GRAP2: variants seen among roughly 807,000 people sequenced by gnomAD.
GRAP2 encodes the protein GRB2 related adaptor protein 2, also known as GRB2-related adapter protein 2.
Under a neutral mutation model 43.5 loss-of-function variants are expected in GRAP2, and 31 were observed. The ratio of observed to expected loss-of-function variants is 0.71; its 90% confidence interval spans 0.54 to 0.96. GRAP2 has a LOEUF of 0.96. Among genes scored for constraint, GRAP2 ranks in the 40% least tolerant of loss-of-function variants. The pLI, the probability that GRAP2 is intolerant of heterozygous loss-of-function variation, is 0.00. For synonymous variants in GRAP2, 156 were observed against 164.8 expected, an observed-to-expected ratio of 0.95 and a Z score of 0.41; for missense variants, 371 against 424.4, an observed-to-expected ratio of 0.87 and a Z score of 1.11.
At chr22:39,960,210 C>T (rs779548778) in intron 4 of GRAP2, 36 bp downstream of exon 4, 21 of 1,601,456 alleles carry the variant, frequency 1.3e-5, no homozygotes, top group South Asian at 6.6e-5. Flanking sequence ...TGGCCCTTCT[C>T]GGCCTGTTAA....
intron 1 of GRAP2, among the ~76,000 whole-genome samples, chr22:39,912,426 A>G (rs1183112227): frequency 1.3e-5 from 2 of 152,166 alleles, no homozygotes; most frequent in African/African-American, 2.4e-5. Flanking sequence ...TGTCTCTGGA[A>G]AAAAAGTACT....
chr22:39,928,380 A>T (rs1883416205), intron 1 of GRAP2, among the ~76,000 whole-genome samples: 1 of 152,188 alleles, frequency 6.6e-6, no homozygotes, highest in Non-Finnish European at 1.5e-5. Flanking sequence ...ATGGATAGCC[A>T]CTATTCCCTT....
chr22:39,949,363 G>A (rs757380641), intron 2 of GRAP2, among the ~76,000 whole-genome samples: 76 of 152,162 alleles, frequency 5.0e-4, no homozygotes, highest in Non-Finnish European at 1.1e-3. Context: ...CAGCAAACCT[G>A]TGAGGTAGGC....
chr22:39,903,142 T>C (rs2066503238), intron 1 of GRAP2, among the ~76,000 whole-genome samples: 1 of 152,208 alleles, frequency 6.6e-6, no homozygotes, highest in South Asian at 2.1e-4. Flanking sequence ...CGAAAATGTG[T>C]CAGTAAGTGT....
rs1310432384 is a variant in GRAP2 at position 39,964,043 on chromosome 22, G to C, written c.291-1947G>C. 1.4e-5 allele frequency: 3 copies of C among 212,768 alleles called. No individual in the cohort carries two copies. The Admixed American group carries it at 1.6e-4, about 11-fold the overall frequency. The allele number at this position is 212,768 out of a possible 1,614,324, so 13.2% of individuals were successfully genotyped here. A position where few individuals can be genotyped will look rare whatever the true frequency, so the allele number is the denominator to read the frequency against. On this transcript the variant is annotated intron_variant, in intron 4 of 7. Transcript: ENST00000344138. Reference sequence around the variant, plus strand: ...AAAGAAACCTCCACTTACTCTCAGAGGTATCTTTACTCTCCGAGACCCTTT... The same window carrying C: ...AAAGAAACCTCCACTTACTCTCAGACGTATCTTTACTCTCCGAGACCCTTT...
rs2067242224 is a variant in GRAP2, at chr22:39,971,457, T to C, written c.*373T>C. On this transcript the variant is annotated 3_prime_UTR_variant, in exon 8 of 8. Transcript: ENST00000344138. The stretch of plus-strand genomic sequence containing the variant: ...CTAAGCAGAGACCACACCTCGGCAC[T>C]GGACACAGAACAACAGGGTGGGGTT... 1 of 215,150 alleles carries C rather than the reference T, an allele frequency of 4.6e-6. No individual in the cohort carries two copies. The highest frequency in any genetic ancestry group is 9.1e-6 in the Non-Finnish European group (1 of 110,148). 13.3% of individuals were successfully genotyped at this position (215,150 alleles called of 1,614,324 possible).
At chr22:39,923,989 G>A (rs564026515) in intron 1 of GRAP2, among the ~76,000 whole-genome samples, 48 of 152,266 alleles carry the variant, frequency 3.2e-4, no homozygotes, top group Admixed American at 1.0e-3. Flanking sequence ...GCTCACTGGC[G>A]TATGTACCAT....
upstream of GRAP2, among the ~76,000 whole-genome samples, chr22:39,897,247 A>G (rs760932899): frequency 6.6e-6 from 1 of 152,098 alleles, no homozygotes; most frequent in African/African-American, 2.4e-5. Flanking sequence ...TTCTCAGGCC[A>G]TGAACCTGGG....
intron 1 of GRAP2, among the ~76,000 whole-genome samples, chr22:39,901,860 G>A (rs2145562608): frequency 6.6e-6 from 1 of 152,322 alleles, no homozygotes; most frequent in Admixed American, 6.5e-5. Context: ...TTTTGGAAGG[G>A]TATTGTCTCT....
At chr22:39,959,413 C>G (rs185032979) in intron 3 of GRAP2, among the ~76,000 whole-genome samples, 38 of 152,362 alleles carry the variant, frequency 2.5e-4, no homozygotes, top group Non-Finnish European at 4.7e-4. Context: ...ACGCCGCTCT[C>G]TGGCGGCTGC....
intron 4 of GRAP2, chr22:39,964,215 A>G (rs968634948): frequency 3.6e-6 from 2 of 560,104 alleles, no homozygotes; most frequent in Admixed American, 6.9e-5. Context: ...ATCTAATGGT[A>G]AAGGCTCAGC....
Position 39,903,138 on chromosome 22 carries a change from T to C in GRAP2, c.-15+1808T>C, listed in dbSNP as rs1339679426. 2.0e-5 allele frequency among the ~76,000 whole-genome samples: 3 copies of C among 152,194 alleles called. No individual in the cohort carries two copies. The East Asian group carries it at 5.8e-4, about 29-fold the overall frequency. ...AGAAAAGTCTGCAATTGTTCGAAAATGTGTCAGTAAGTGTGATTCCATCAC... is the reference window on the plus strand; with the variant it reads ...AGAAAAGTCTGCAATTGTTCGAAAACGTGTCAGTAAGTGTGATTCCATCAC... On this transcript the variant is annotated intron_variant, in intron 1 of 7. Coordinates refer to ENST00000344138, the MANE Select transcript of GRAP2 (RefSeq NM_004810.4).
At chr22:39,912,920 C>T (rs893703563) in intron 1 of GRAP2, among the ~76,000 whole-genome samples, 3 of 151,746 alleles carry the variant, frequency 2.0e-5, no homozygotes, top group South Asian at 4.2e-4. Context: ...AGGCCGGTCA[C>T]GGTGGCTCAC....
Position 39,971,143 on chromosome 22 carries a change from A to G in GRAP2, c.*59A>G. On this transcript the variant is annotated 3_prime_UTR_variant, in exon 8 of 8. Transcript: ENST00000344138. The stretch of plus-strand genomic sequence containing the variant: ...CTGCCCACAAGAAAGAGGGCAAGGA[A>G]AAAAGGCTGGACTCCATGACTATAT... 3.0e-6 allele frequency: 4 copies of G among 1,355,742 alleles called. No individual in the cohort carries two copies. In the South Asian group the frequency reaches 3.7e-5, roughly 13 times the overall value. 84.0% of individuals were successfully genotyped at this position (1,355,742 alleles called of 1,614,324 possible). A position where few individuals can be genotyped will look rare whatever the true frequency, so the allele number is the denominator to read the frequency against.
intron 5 of GRAP2, among the ~76,000 whole-genome samples, chr22:39,967,247 A>G (rs919587121): frequency 9.2e-5 from 14 of 152,214 alleles, no homozygotes; most frequent in Admixed American, 2.6e-4. Flanking sequence ...AGTTACCACC[A>G]AATGCACACA....
rs1205770290 is a variant in GRAP2 at position 39,922,813 on chromosome 22, C to T, written c.-15+21483C>T. On this transcript the variant is annotated intron_variant, in intron 1 of 7. Transcript: ENST00000344138. ...ATCCCCACACTTTGGGACGCCGAGGCAGGTGGATTGCCTGAGCTCAGGAGC... is the reference window on the plus strand; with the variant it reads ...ATCCCCACACTTTGGGACGCCGAGGTAGGTGGATTGCCTGAGCTCAGGAGC... Among the ~76,000 whole-genome samples, 4 of 152,144 alleles carry T rather than the reference C, an allele frequency of 2.6e-5. No homozygotes were observed. The East Asian group carries it at 7.7e-4, about 29-fold the overall frequency.
At chr22:39,965,432 A>G (rs1160723550) in intron 4 of GRAP2, among the ~76,000 whole-genome samples, 2 of 152,172 alleles carry the variant, frequency 1.3e-5, no homozygotes, top group East Asian at 3.8e-4. Context: ...CTATTTCACC[A>G]AAAGCTGAAA....
At chr22:39,937,072 T>C (rs538906348) in intron 1 of GRAP2, among the ~76,000 whole-genome samples, 3 of 152,280 alleles carry the variant, frequency 2.0e-5, no homozygotes, top group South Asian at 4.2e-4. Context: ...CCAACAGACA[T>C]GTACTGAAAT....
chr22:39,953,510 G>C (rs992593488), intron 2 of GRAP2, among the ~76,000 whole-genome samples: 36 of 152,054 alleles, frequency 2.4e-4, no homozygotes, highest in African/African-American at 8.7e-4. Flanking sequence ...ATCATCTCTT[G>C]ACTGGAGGCC....
Sources: gnomAD v4.1 joint callset for allele counts (sites outside exome capture counted in the v4.1 genomes callset) on GRCh38, gnomAD v4.1.1 for gene constraint, MANE v1.5 for transcripts, NCBI Gene and HGNC (gene_info 2026-07-23, HGNC 2026-07-21) for gene names.